Variants in WDR7 observed in about 807,000 individuals in gnomAD.
WDR7 encodes the protein WD repeat-containing protein 7.
WDR7 carries 46 observed loss-of-function variants against 169.4 expected under a neutral mutation model. That is an observed-to-expected ratio of 0.27 (90% CI 0.21 to 0.35). The LOEUF (loss-of-function observed/expected upper bound fraction) is 0.35. WDR7 is among the 10% of genes least tolerant of loss of function. The pLI is 1.00. For missense variants in WDR7, 1,534 were observed against 1,859.3 expected (o/e 0.83, Z 3.22); for synonymous variants, 612 against 666.8 (o/e 0.92, Z 1.27).
chr18:56,750,419 A>G (rs1444428312), intron 14 of WDR7, among the ~76,000 whole-genome samples: 1 of 152,202 alleles, frequency 6.6e-6, no homozygotes, highest in Non-Finnish European at 1.5e-5. Context: ...TCATTTGTAT[A>G]TACCTTATAA....
At chr18:56,863,010 T>G (rs1159257050) in intron 20 of WDR7, among the ~76,000 whole-genome samples, 1 of 151,876 alleles carries the variant, frequency 6.6e-6, no homozygotes, top group Non-Finnish European at 1.5e-5. Context: ...ACCAGTTTTA[T>G]TGAAGTTTCA....
chr18:57,007,548 C>T (rs1156622322), intron 26 of WDR7, among the ~76,000 whole-genome samples: 1 of 152,004 alleles, frequency 6.6e-6, no homozygotes, highest in Non-Finnish European at 1.5e-5. Context: ...ATCTCTGAGT[C>T]AGATAATTAC....
chr18:56,681,740 C>T (rs1164007565), intron 4 of WDR7, among the ~76,000 whole-genome samples: 2 of 152,222 alleles, frequency 1.3e-5, no homozygotes, highest in Non-Finnish European at 2.9e-5. Flanking sequence ...TGTGATTCCA[C>T]TTGTGATTGA....
intron 25 of WDR7, among the ~76,000 whole-genome samples, chr18:56,945,877 G>A (rs949003888): frequency 2.0e-5 from 3 of 152,162 alleles, no homozygotes; most frequent in African/African-American, 7.2e-5. Context: ...GTTGTGTTAT[G>A]TAAAACCTTA....
At chr18:56,841,591 C>T (rs945029864) in intron 20 of WDR7, among the ~76,000 whole-genome samples, 12 of 151,114 alleles carry the variant, frequency 7.9e-5, no homozygotes, top group African/African-American at 2.4e-4. Context: ...TTGTCATGTA[C>T]GTAATGTAGA....
intron 25 of WDR7, among the ~76,000 whole-genome samples, chr18:56,959,448 G>A (rs1258123805): frequency 2.0e-5 from 3 of 152,102 alleles, no homozygotes; most frequent in Non-Finnish European, 4.4e-5. Context: ...TTCTTTCACT[G>A]ACTTGAGTGA....
chr18:57,030,971 T>A (rs1599261731), downstream of WDR7: 1 of 152,172 alleles, frequency 6.6e-6, no homozygotes, highest in East Asian at 1.9e-4. Context: ...ATTGAGGTGA[T>A]CATCCCTCTT....
At chr18:56,653,212 C>CTT (rs796226706) in intron 1 of WDR7, among the ~76,000 whole-genome samples, 1 of 144,032 alleles carries the variant, frequency 6.9e-6, no homozygotes, top group African/African-American at 2.5e-5. Context: ...TTTCGTTCTT[C>CTT]TTTTTTTTTT....
chr18:57,034,546 G>T (rs11877697), downstream of WDR7: 46,785 of 152,102 alleles, frequency 0.31, 8,342 homozygotes, highest in East Asian at 0.51. Context: ...ATCACTGGTC[G>T]TGGGCCCTCA....
chr18:56,856,455 A>ATTG (rs2045722920), intron 20 of WDR7, among the ~76,000 whole-genome samples: 1 of 152,102 alleles, frequency 6.6e-6, no homozygotes, highest in Non-Finnish European at 1.5e-5. Context: ...AATTGCTTGA[A>ATTG]CTGGGGAAGT....
At chr18:56,931,327 A>C (rs1281154058) in intron 22 of WDR7, among the ~76,000 whole-genome samples, 1 of 152,246 alleles carries the variant, frequency 6.6e-6, no homozygotes, top group African/African-American at 2.4e-5. Flanking sequence ...AGAATCTCAC[A>C]TTAAAATATA....
intron 19 of WDR7, among the ~76,000 whole-genome samples, chr18:56,789,688 C>A (rs1309431533): frequency 6.6e-6 from 1 of 152,212 alleles, no homozygotes; most frequent in Admixed American, 6.5e-5. Flanking sequence ...AACTTTAGAT[C>A]TTTCTTCATG....
At chr18:56,668,372 C>G (rs961241834) in intron 1 of WDR7, among the ~76,000 whole-genome samples, 10 of 152,190 alleles carry the variant, frequency 6.6e-5, no homozygotes, top group African/African-American at 2.4e-4. Flanking sequence ...CCTACTCATT[C>G]TAGTCATCAT....
At position 56,696,416 on chromosome 18, in the gene WDR7, A is replaced by G; in HGVS notation, c.1532A>G (p.His511Arg). ...GAAATGAAACATATCTTCTGTGTTC[A>G]TGGTGGTGAGATTACTCAACTTCTA... ...SGEMKHIFCV[H>R]GGEITQLLVP... The change falls in exon 12 of 28, where the codon CAT (histidine) becomes CGT (arginine). Residue 511 changes from histidine (H) to arginine (R), a missense_variant. Coordinates refer to ENST00000254442, the MANE Select transcript of WDR7 (RefSeq NM_015285.3). 1 of 1,614,122 alleles carries G rather than the reference A, an allele frequency of 6.2e-7. No individual in the cohort carries two copies. Among genetic ancestry groups the G allele is most frequent in the Non-Finnish European group, 8.5e-7 (1 of 1,179,992 alleles).
At chr18:56,707,223 T>C (rs1219997864) in intron 12 of WDR7, among the ~76,000 whole-genome samples, 1 of 152,200 alleles carries the variant, frequency 6.6e-6, no homozygotes, top group African/African-American at 2.4e-5. Flanking sequence ...CATCAAATGA[T>C]CCACCTGCCT....
At chr18:57,025,024 G>C (rs1445356115) in intron 27 of WDR7, among the ~76,000 whole-genome samples, 1 of 152,196 alleles carries the variant, frequency 6.6e-6, no homozygotes, top group Non-Finnish European at 1.5e-5. Context: ...GAACCCAGTT[G>C]TAATGGCCTT....
intron 13 of WDR7, chr18:56,721,783 G>A (rs565597817): frequency 1.2e-4 from 18 of 152,302 alleles, no homozygotes; most frequent in Non-Finnish European, 2.9e-5. Flanking sequence ...TTCTTATCTA[G>A]CCATTACCAA....
chr18:56,799,472 CTA>C (rs2044637840), intron 19 of WDR7, among the ~76,000 whole-genome samples: 2 of 151,528 alleles, frequency 1.3e-5, no homozygotes, highest in African/African-American at 4.9e-5. Context: ...TACTGATACT[CTA>C]TATTACAGTG....
intron 1 of WDR7, among the ~76,000 whole-genome samples, chr18:56,669,484 G>T (rs1182470160): frequency 6.6e-6 from 1 of 152,014 alleles, no homozygotes; most frequent in Non-Finnish European, 1.5e-5. Context: ...GTCTCTAAAT[G>T]TAACTTTAAG....
Sources: gnomAD v4.1 joint callset for allele counts (sites outside exome capture counted in the v4.1 genomes callset) on GRCh38, gnomAD v4.1.1 for gene constraint, MANE v1.5 for transcripts, NCBI Gene and HGNC (gene_info 2026-07-23, HGNC 2026-07-21) for gene names.